Variants in NDST4 observed in about 807,000 individuals in gnomAD.
NDST4 encodes the protein N-deacetylase and N-sulfotransferase 4, also known as N-heparan sulfate sulfotransferase 4.
NDST4 carries 63 observed loss-of-function variants against 100.8 expected under a neutral mutation model. The ratio of observed to expected loss-of-function variants is 0.62; its 90% CI spans 0.51 to 0.77. The LOEUF (loss-of-function observed/expected upper bound fraction) is 0.77, where lower values mean the gene tolerates loss of function less well. NDST4 is among the 30% of genes least tolerant of loss of function. NDST4 has a pLI of 0.00. For missense variants in NDST4, 943 were observed against 1,018.4 expected (o/e 0.93, Z 1.01); for synonymous variants, 377 against 361.8 (o/e 1.04, Z -0.48).
intron 4 of NDST4, chr4:114,956,017 G>C (rs1351202467): frequency 6.6e-6 from 1 of 152,152 alleles, no homozygotes; most frequent in Non-Finnish European, 1.5e-5. Context: ...TTGAGACCTG[G>C]AGTTTTCCTC....
intron 2 of NDST4, among the ~76,000 whole-genome samples, chr4:115,019,953 T>G (rs1727773918): frequency 1.3e-5 from 2 of 152,090 alleles, no homozygotes; most frequent in South Asian, 4.1e-4. Context: ...AGCCAGTCTG[T>G]GTTATTGTGT....
At chr4:114,962,658 T>C (rs112783628) in intron 4 of NDST4, among the ~76,000 whole-genome samples, 2 of 152,050 alleles carry the variant, frequency 1.3e-5, no homozygotes, top group Non-Finnish European at 1.5e-5. Flanking sequence ...AAAGAAATTA[T>C]AGCCGACCCA....
intron 2 of NDST4, among the ~76,000 whole-genome samples, chr4:115,033,641 G>T (rs1171697722): frequency 6.6e-6 from 1 of 151,718 alleles, no homozygotes; most frequent in Admixed American, 6.6e-5. Context: ...CATCAGTTAG[G>T]GTTACAACAT....
chr4:114,832,320 C>G (rs761468895), intron 12 of NDST4, among the ~76,000 whole-genome samples: 1 of 152,156 alleles, frequency 6.6e-6, no homozygotes, highest in African/African-American at 2.4e-5. Context: ...TACTGCTTTT[C>G]CTGTTCCTCT....
chr4:114,843,552 C>A (rs922107075), intron 10 of NDST4, among the ~76,000 whole-genome samples: 1 of 152,156 alleles, frequency 6.6e-6, no homozygotes, highest in African/African-American at 2.4e-5. Flanking sequence ...CTAATTACTT[C>A]TTTTTTCACC....
intron 7 of NDST4, among the ~76,000 whole-genome samples, chr4:114,863,332 G>A (rs1723956734): frequency 6.6e-6 from 1 of 152,200 alleles, no homozygotes; most frequent in Non-Finnish European, 1.5e-5. Context: ...CACACAGCAA[G>A]GTAGTTTCAG....
intron 2 of NDST4, among the ~76,000 whole-genome samples, chr4:115,014,559 G>C (rs1727633436): frequency 6.6e-6 from 1 of 152,006 alleles, no homozygotes; most frequent in African/African-American, 2.4e-5. Flanking sequence ...TACTGGTTTT[G>C]AGATTTTTTA....
chr4:115,093,942 G>C (rs1363400306), intron 1 of NDST4, among the ~76,000 whole-genome samples: 1 of 151,900 alleles, frequency 6.6e-6, no homozygotes, highest in Admixed American at 6.6e-5. Context: ...AACACATTCA[G>C]ATATTCAGAT....
chr4:114,858,378 A>G lies in NDST4; in HGVS notation c.1720-5557T>C, dbSNP rs114953411. Among the ~76,000 whole-genome samples, 512 of 152,246 alleles carry G rather than the reference A, an allele frequency of 3.4e-3. 4 individuals are homozygous for G. Among genetic ancestry groups the G allele is most frequent in the African/African-American group, 0.012 (491 of 41,534 alleles). On this transcript the variant is annotated intron_variant, in intron 7 of 13. Coordinates refer to ENST00000264363, the MANE Select transcript of NDST4 (RefSeq NM_022569.3). ...ATGGCTCATTGACATGTTATCTTAC[A>G]TACTATTGCTTGGGATAAGGGAAAC... is the stretch of plus-strand genomic sequence containing the variant.
At chr4:114,846,115 G>C in intron 9 of NDST4, 118 bp from the exon 10 acceptor site, 1 of 817,686 alleles carries the variant, frequency 1.2e-6, no homozygotes, top group Non-Finnish European at 1.9e-6. Flanking sequence ...TTATTATGCT[G>C]TTATAGTTTA....
chr4:114,874,882 A>G (rs1306707582), intron 6 of NDST4, among the ~76,000 whole-genome samples: 1 of 152,036 alleles, frequency 6.6e-6, no homozygotes, highest in African/African-American at 2.4e-5. Flanking sequence ...TTATTTTCTT[A>G]TTGCATACTA....
chr4:114,903,383 G>A (rs1724886675), intron 6 of NDST4, among the ~76,000 whole-genome samples: 1 of 151,970 alleles, frequency 6.6e-6, no homozygotes, highest in Non-Finnish European at 1.5e-5. Flanking sequence ...GCTTCTGGAG[G>A]TAAAAGTTAC....
intron 10 of NDST4, 96 bp downstream of exon 10, chr4:114,845,727 A>C (rs1420720088): frequency 9.0e-7 from 1 of 1,112,756 alleles, no homozygotes. Context: ...CTTACATTTG[A>C]CTTTTCATAT....
In NDST4 at chr4:114,925,262, C is replaced by T. The variant is rs139341270; in HGVS notation, c.1536+9944G>A. On this transcript the variant is annotated intron_variant, in intron 6 of 13. Transcript: ENST00000264363. ...GAGACCTTGATATCAGTAATCACTT[C>T]TTTATAATCTGCTACAGACTTGGGA... is the stretch of plus-strand genomic sequence containing the variant. 3.0e-3 allele frequency among the ~76,000 whole-genome samples: 450 copies of T among 152,238 alleles called. 1 individual carries two copies. Among genetic ancestry groups the T allele is most frequent in the African/African-American group, 9.8e-3 (406 of 41,566 alleles).
At chr4:114,924,362 A>T (rs1725346433) in intron 6 of NDST4, among the ~76,000 whole-genome samples, 1 of 151,564 alleles carries the variant, frequency 6.6e-6, no homozygotes, top group African/African-American at 2.4e-5. Context: ...CTCTGCTGTG[A>T]GTGTGAATCC....
intron 1 of NDST4, among the ~76,000 whole-genome samples, chr4:115,097,880 G>A (rs1387485357): frequency 6.6e-6 from 1 of 152,076 alleles, no homozygotes; most frequent in Non-Finnish European, 1.5e-5. Flanking sequence ...TGTACTTCTA[G>A]GCTTCTGGAC....
chr4:114,896,041 T>G lies in NDST4; in HGVS notation c.1537-25091A>C, dbSNP rs141623530. ...AAACCTAAATAAAGCCTAAAGAATG[T>G]GATTCTAATACAAAATATTAAGTAA... On this transcript the variant is annotated intron_variant, in intron 6 of 13. Coordinates refer to ENST00000264363, the MANE Select transcript of NDST4 (RefSeq NM_022569.3). Among the ~76,000 whole-genome samples, 248 of 152,260 alleles carry G rather than the reference T, an allele frequency of 1.6e-3. 1 individual carries two copies. Among genetic ancestry groups the G allele is most frequent in the African/African-American group, 5.8e-3 (242 of 41,536 alleles).
intron 7 of NDST4, among the ~76,000 whole-genome samples, chr4:114,856,253 G>A (rs1723791567): frequency 6.6e-6 from 1 of 151,976 alleles, no homozygotes; most frequent in Admixed American, 6.6e-5. Flanking sequence ...TGGTAGAGAT[G>A]GGGTTTTGCC....
chr4:115,086,772 G>A (rs773995064), intron 1 of NDST4, among the ~76,000 whole-genome samples: 1 of 151,976 alleles, frequency 6.6e-6, no homozygotes, highest in South Asian at 2.1e-4. Context: ...GAAAGGACAT[G>A]ATTTTTTAAA....
Sources: allele counts gnomAD v4.1 joint callset (sites outside exome capture counted in the v4.1 genomes callset), GRCh38; gene constraint gnomAD v4.1.1; transcripts MANE v1.5; gene names NCBI Gene and HGNC (gene_info 2026-07-23, HGNC 2026-07-21).